C4orf33: variants seen among roughly 807,000 people sequenced by gnomAD.
The protein encoded by C4orf33 is UPF0462 protein C4orf33.
Under a neutral mutation model 24.3 loss-of-function variants are expected in C4orf33, and 20 were observed. The observed-to-expected ratio is 0.82, with a 90% CI of 0.58 to 1.19. The LOEUF is 1.19. Ranked by LOEUF, C4orf33 falls within the 50% of genes most tolerant of loss-of-function variation. C4orf33 has a pLI of 0.00. For missense variants in C4orf33, 207 were observed against 225.9 expected, an observed-to-expected ratio of 0.92 and a Z score of 0.54; for synonymous variants, 67 against 76.4, an observed-to-expected ratio of 0.88 and a Z score of 0.64.
In C4orf33 at chr4:129,112,916, A is replaced by G. The variant is rs1753719663; in HGVS notation, c.*1125A>G. ...ATTCTTAAAACTGACAATAGCAACT[A>G]ATTAATTTGATATAGAAACGATCTG... On this transcript the variant is annotated 3_prime_UTR_variant, in exon 6 of 6. Transcript: ENST00000425929. The G allele has an allele frequency of 6.6e-6, 1 of 152,184 alleles. No individual in the cohort carries two copies. The allele number at this position is 152,184 out of a possible 1,614,324, so 9.4% of individuals were successfully genotyped here.
intron 1 of C4orf33, among the ~76,000 whole-genome samples, chr4:129,096,742 T>C (rs1753218731): frequency 6.6e-6 from 1 of 152,140 alleles, no homozygotes. Flanking sequence ...ACAATAAATA[T>C]TGTATTAAGA....
At chr4:129,095,904 A>G (rs1753190657), upstream of C4orf33, among the ~76,000 whole-genome samples, 1 of 152,200 alleles carries the variant, frequency 6.6e-6, no homozygotes, top group Admixed American at 6.5e-5. Flanking sequence ...ATATTTCTGT[A>G]CATGTTATAT....
intron 2 of C4orf33, 74 bp from the exon 3 acceptor site, chr4:129,106,513 C>T: frequency 1.3e-6 from 1 of 741,270 alleles, no homozygotes; most frequent in Non-Finnish European, 2.2e-6. Context: ...ATTTTATATT[C>T]TAAAGGAATA....
intron 5 of C4orf33, among the ~76,000 whole-genome samples, chr4:129,110,899 T>A (rs1753678090): frequency 6.6e-6 from 1 of 152,122 alleles, no homozygotes; most frequent in South Asian, 2.1e-4. Flanking sequence ...ATTCAAAAAC[T>A]GACTTATCCT....
intron 3 of C4orf33, among the ~76,000 whole-genome samples, chr4:129,108,362 C>A (rs556595691): frequency 6.6e-6 from 1 of 152,164 alleles, no homozygotes; most frequent in African/African-American, 2.4e-5. Flanking sequence ...CCCAATTGTA[C>A]ACTGTTATTA....
rs147057671 is a variant in C4orf33, at chr4:129,100,995, C to A, written c.-9-1607C>A. On this transcript the variant is annotated intron_variant, in intron 1 of 5. Transcript: ENST00000425929. ...ATTGAGGTATTTTATTCCATACAATCCACTTAAATCCGAATCAATTTATAT... is the reference window on the plus strand; with the variant it reads ...ATTGAGGTATTTTATTCCATACAATACACTTAAATCCGAATCAATTTATAT... 3.6e-4 allele frequency among the ~76,000 whole-genome samples: 55 copies of A among 152,196 alleles called. 1 individual carries two copies. The highest frequency in any genetic ancestry group is 1.2e-3 in the African/African-American group (51 of 41,540).
intron 3 of C4orf33, among the ~76,000 whole-genome samples, chr4:129,108,460 C>T (rs1753581239): frequency 6.6e-6 from 1 of 152,084 alleles, no homozygotes; most frequent in Non-Finnish European, 1.5e-5. Flanking sequence ...AAGAGGCAGA[C>T]ATGTTGAGGA....
chr4:129,109,377 G>C lies in C4orf33; in HGVS notation c.294+19G>C. 1 of 1,611,432 alleles carries C rather than the reference G, an allele frequency of 6.2e-7. No individual in the cohort carries two copies. The highest frequency in any genetic ancestry group is 8.5e-7 in the Non-Finnish European group (1 of 1,177,582). On this transcript the variant is annotated intron_variant, in intron 4 of 5. Transcript: ENST00000425929. ...GTGGAAAGTAAGTAAATAAAAATAG[G>C]AGGCAAAATCATTACGTACACAGTA...
chr4:129,101,148 T>G (rs1753338459), intron 1 of C4orf33, among the ~76,000 whole-genome samples: 1 of 152,192 alleles, frequency 6.6e-6, no homozygotes, highest in Non-Finnish European at 1.5e-5. Flanking sequence ...AGAGATTATC[T>G]AGTAAAATTT....
intron 3 of C4orf33, 132 bp from the exon 4 acceptor site, chr4:129,109,175 A>C: frequency 1.0e-6 from 1 of 981,914 alleles, no homozygotes; most frequent in East Asian, 2.4e-5. Context: ...GGCGTAAGCC[A>C]CCATGCTCAG....
chr4:129,093,749 A>T (rs1409723447), upstream of C4orf33: 1 of 153,290 alleles, frequency 6.5e-6, no homozygotes. Context: ...GCGGCGGCCA[A>T]ACTGGTGGGA....
chr4:129,107,411 G>A (rs1406929827), intron 3 of C4orf33, among the ~76,000 whole-genome samples: 1 of 151,866 alleles, frequency 6.6e-6, no homozygotes, highest in East Asian at 1.9e-4. Flanking sequence ...TTATATTGCA[G>A]TTATTCATTT....
At chr4:129,107,941 A>G (rs1362386221) in intron 3 of C4orf33, among the ~76,000 whole-genome samples, 3 of 152,134 alleles carry the variant, frequency 2.0e-5, no homozygotes, top group Non-Finnish European at 4.4e-5. Flanking sequence ...ATCATTGTGT[A>G]TAAAATTAAT....
upstream of C4orf33, among the ~76,000 whole-genome samples, chr4:129,094,654 G>GT (rs1753127657): frequency 6.6e-6 from 1 of 152,204 alleles, no homozygotes; most frequent in South Asian, 2.1e-4. Flanking sequence ...AAGACTAGCT[G>GT]TTAAATATGG....
Position 129,109,585 on chromosome 4 carries a change from C to A in C4orf33, c.407C>A (p.Ala136Glu). 3.1e-6 allele frequency: 5 copies of A among 1,613,922 alleles called. No individual in the cohort carries two copies. The highest frequency in any genetic ancestry group is 4.2e-6 in the Non-Finnish European group (5 of 1,179,830). The change falls in exon 5 of 6, where the codon GCA becomes GAA. Residue 136 changes from alanine to glutamate, a missense_variant. Physicochemically the swap from Ala to Glu is moderately radical, Grantham distance 107 (BLOSUM62 -1). Coordinates refer to ENST00000425929, the MANE Select transcript of C4orf33 (RefSeq NM_001099783.2). ...AATGTGACAAAATTCAATTCATTTG[C>A]AATTCATGGATCAAAAGATAAACGA... ...PPNVTKFNSF[A>E]IHGSKDKRSY...
chr4:129,111,632 T>G, intron 5 of C4orf33, 54 bp from the exon 6 acceptor site: 1 of 1,080,306 alleles, frequency 9.3e-7, no homozygotes, highest in Non-Finnish European at 1.4e-6. Flanking sequence ...AGGACAACTA[T>G]TTCACAAATG....
At chr4:129,103,453 T>C (rs190007982) in intron 2 of C4orf33, among the ~76,000 whole-genome samples, 60 of 152,336 alleles carry the variant, frequency 3.9e-4, no homozygotes, top group Middle Eastern at 3.4e-3. Context: ...ATCTTCTTTA[T>C]GGAAGATTTG....
At chr4:129,109,710 C>G in intron 5 of C4orf33, 38 bp downstream of exon 5, 1 of 1,536,006 alleles carries the variant, frequency 6.5e-7, no homozygotes, top group Non-Finnish European at 8.9e-7. Context: ...TCCAAATACA[C>G]GAGTTTTTTC....
Position 129,113,466 on chromosome 4 carries a change from G to A in C4orf33, c.*1675G>A, listed in dbSNP as rs114370626. ...CCAAGAAACTTTTATTTGAGAGTGG[G>A]TGTTTGTAATAGCCATTTCAAATTT... On this transcript the variant is annotated 3_prime_UTR_variant, in exon 6 of 6. Transcript: ENST00000425929. The A allele has an allele frequency of 6.6e-6, 1 of 152,310 alleles. No homozygotes were observed. Among genetic ancestry groups the A allele is most frequent in the Non-Finnish European group, 1.5e-5 (1 of 68,014 alleles). 9.4% of individuals were successfully genotyped at this position (152,310 alleles called of 1,614,324 possible). A position where few individuals can be genotyped will look rare whatever the true frequency, so the allele number is the denominator to read the frequency against.
Sources: allele counts gnomAD v4.1 joint callset (sites outside exome capture counted in the v4.1 genomes callset), GRCh38; gene constraint gnomAD v4.1.1; transcripts MANE v1.5; gene names NCBI Gene and HGNC (gene_info 2026-07-23, HGNC 2026-07-21).